Variants in GATB observed in about 807,000 individuals in gnomAD.
GATB encodes the protein glutamyl-tRNA(Gln) amidotransferase subunit B, mitochondrial.
In GATB, 39 loss-of-function variants were observed where a neutral mutation model predicts 62.3. The ratio of observed to expected loss-of-function variants is 0.63; its 90% CI spans 0.48 to 0.82. GATB has a LOEUF of 0.82. GATB is among the 40% of genes least tolerant of loss of function. The pLI, the probability that GATB is intolerant of heterozygous loss-of-function variation, is 0.00. For synonymous variants in GATB, 276 were observed against 258.9 expected (o/e 1.07, Z -0.63); for missense variants, 670 against 684.0 (o/e 0.98, Z 0.23).
intron 6 of GATB, among the ~76,000 whole-genome samples, 185 bp downstream of exon 6, chr4:151,707,803 C>T (rs945786808): frequency 2.0e-5 from 3 of 152,218 alleles, no homozygotes; most frequent in African/African-American, 7.2e-5. Flanking sequence ...TACCATGGAC[C>T]CTCTGCTTCA....
At chr4:151,750,189 A>T (rs191924441) in intron 2 of GATB, among the ~76,000 whole-genome samples, 2 of 152,308 alleles carry the variant, frequency 1.3e-5, no homozygotes, top group Admixed American at 1.3e-4. Flanking sequence ...CCCCTAACTT[A>T]AGTTTTTTAA....
chr4:151,671,541 C>T (rs1438611401), intron 12 of GATB, among the ~76,000 whole-genome samples: 1 of 152,096 alleles, frequency 6.6e-6, no homozygotes, highest in Non-Finnish European at 1.5e-5. Context: ...AAGTGATTGC[C>T]GAAAGCCAGA....
At chr4:151,747,054 G>C (rs915406359) in intron 2 of GATB, among the ~76,000 whole-genome samples, 2 of 152,142 alleles carry the variant, frequency 1.3e-5, no homozygotes, top group African/African-American at 2.4e-5. Context: ...AGCAACTGCG[G>C]CAGGTAGGGT....
At chr4:151,702,518 T>A (rs1180496891) in intron 8 of GATB, among the ~76,000 whole-genome samples, 2 of 152,114 alleles carry the variant, frequency 1.3e-5, no homozygotes, top group Non-Finnish European at 2.9e-5. Context: ...TAAGGAAGTG[T>A]GATTGGTTTC....
chr4:151,681,834 A>G (rs28722860), intron 10 of GATB, among the ~76,000 whole-genome samples: 5,217 of 152,258 alleles, frequency 0.034, 291 homozygotes, highest in African/African-American at 0.12. Context: ...CTGTGTCTGC[A>G]TGTGGTGGAA....
chr4:151,688,483 G>GA, intron 10 of GATB, 147 bp downstream of exon 10: 1 of 715,952 alleles, frequency 1.4e-6, no homozygotes, highest in South Asian at 2.0e-5. Flanking sequence ...AACATATTTA[G>GA]AATGTGGAGT....
At chr4:151,750,228 A>G (rs550181816) in intron 2 of GATB, among the ~76,000 whole-genome samples, 68 of 152,330 alleles carry the variant, frequency 4.5e-4, no homozygotes, top group African/African-American at 1.6e-3. Flanking sequence ...GTATTTTTAA[A>G]TAACTGATCA....
At chr4:151,723,986 G>A (rs1739082316) in intron 2 of GATB, 1 of 152,160 alleles carries the variant, frequency 6.6e-6, no homozygotes, top group Non-Finnish European at 1.5e-5. Context: ...CTGGCTTATT[G>A]TAAGACCTGA....
chr4:151,672,862 G>A lies in GATB; in HGVS notation c.1445C>T (p.Thr482Ile). 6.2e-7 allele frequency: 1 copy of A among 1,614,226 alleles called. No individual in the cohort carries two copies. The highest frequency in any genetic ancestry group is 2.2e-5 in the East Asian group (1 of 44,886). ...CTTTTCTGAAACAATCTGCCCTGGA[G>A]TCTTGCCTTCCCTCTTCCACAGTTC... is the stretch of plus-strand genomic sequence containing the variant. Reference protein sequence around the residue: ...FEELWKREGKTPGQIVSEKQL... With the variant: ...FEELWKREGKIPGQIVSEKQL... Residue 482 changes from threonine to isoleucine, a missense_variant, in exon 12 of 13, where the codon ACT becomes ATT. Thr to Ile is a moderately conservative substitution (Grantham distance 89). Coordinates refer to ENST00000263985, the MANE Select transcript of GATB (RefSeq NM_004564.3).
chr4:151,676,124 C>T (rs946427760), intron 11 of GATB: 3 of 152,202 alleles, frequency 2.0e-5, no homozygotes, highest in Non-Finnish European at 2.9e-5. Context: ...TAGAAAGGCA[C>T]AAACATCAAC....
At chr4:151,686,043 ACT>A (rs1738237549) in intron 10 of GATB, among the ~76,000 whole-genome samples, 3 of 147,860 alleles carry the variant, frequency 2.0e-5, no homozygotes, top group Admixed American at 6.7e-5. Context: ...ACAGGGCGAG[ACT>A]CTGTCTAAAA....
intron 10 of GATB, among the ~76,000 whole-genome samples, chr4:151,681,511 C>G (rs755262346): frequency 2.2e-4 from 33 of 152,270 alleles, no homozygotes; most frequent in East Asian, 7.7e-4. Context: ...CGTGGGTTGC[C>G]TGGATGTTCT....
At chr4:151,732,476 G>A (rs945664532) in intron 2 of GATB, among the ~76,000 whole-genome samples, 20 of 152,052 alleles carry the variant, frequency 1.3e-4, no homozygotes, top group Non-Finnish European at 2.4e-4. Flanking sequence ...AATGGATTAA[G>A]GGCGGTGCAA....
chr4:151,703,399 T>C (rs530206524), intron 8 of GATB: 5 of 162,270 alleles, frequency 3.1e-5, no homozygotes, highest in African/African-American at 1.2e-4. Flanking sequence ...TTCAACTTAA[T>C]TTATCATGAA....
chr4:151,715,948 G>C, intron 5 of GATB, 61 bp downstream of exon 5: 1 of 1,559,128 alleles, frequency 6.4e-7, no homozygotes, highest in Non-Finnish European at 8.7e-7. Flanking sequence ...ACTAAAGTCA[G>C]AGAGGTTCTA....
At chr4:151,675,616 G>A (rs1312586727) in intron 11 of GATB, 1 of 152,210 alleles carries the variant, frequency 6.6e-6, no homozygotes, top group African/African-American at 2.4e-5. Context: ...CTCAGCTTTT[G>A]TCTGTGTTTA....
At chr4:151,757,617 A>C (rs1316925423) in intron 2 of GATB, among the ~76,000 whole-genome samples, 4 of 152,034 alleles carry the variant, frequency 2.6e-5, no homozygotes, top group South Asian at 4.2e-4. Context: ...GGACTACAGG[A>C]GCCCACCACC....
At chr4:151,681,702 G>A (rs996727249) in intron 10 of GATB, among the ~76,000 whole-genome samples, 4 of 152,172 alleles carry the variant, frequency 2.6e-5, no homozygotes, top group African/African-American at 7.2e-5. Context: ...TACCAAAGAC[G>A]ACATGGCTTA....
intron 4 of GATB, 150 bp from the exon 5 acceptor site, chr4:151,716,281 T>C: frequency 2.8e-6 from 2 of 702,612 alleles, no homozygotes; most frequent in Middle Eastern, 4.6e-4. Context: ...TCCCACCTTT[T>C]TTTTTTTTTT....
Sources: allele counts gnomAD v4.1 joint callset (sites outside exome capture counted in the v4.1 genomes callset), GRCh38; gene constraint gnomAD v4.1.1; transcripts MANE v1.5; gene names NCBI Gene and HGNC (gene_info 2026-07-23, HGNC 2026-07-21).